The following KCNQ3 variants were observed in gnomAD, a reference collection of about 807,000 sequenced individuals.
The protein encoded by KCNQ3 is potassium voltage-gated channel subfamily Q member 3, also known as potassium voltage-gated channel subfamily KQT member 3.
In KCNQ3, 30 loss-of-function variants were observed where a neutral mutation model predicts 92.5. That is an observed-to-expected ratio of 0.32 (90% CI 0.24 to 0.44). The LOEUF is 0.44. Among genes scored for constraint, KCNQ3 ranks in the 20% least tolerant of loss-of-function variants. KCNQ3 has a pLI of 1.00. For missense variants in KCNQ3, 913 were observed against 1,140.3 expected (o/e 0.80, Z 2.87); for synonymous variants, 450 against 468.8 (o/e 0.96, Z 0.52).
chr8:132,337,210 A>G (rs909325474), intron 1 of KCNQ3, among the ~76,000 whole-genome samples: 1 of 152,240 alleles, frequency 6.6e-6, no homozygotes, highest in African/African-American at 2.4e-5. Context: ...AAGGCTGAGC[A>G]TGGCGGCTCA....
Position 132,224,081 on chromosome 8 carries a change from ATTTTTTTTTTTT to A in KCNQ3, c.387-37912_387-37901del, listed in dbSNP as rs1164773143. On this transcript the variant is annotated intron_variant, in intron 1 of 14. Coordinates refer to ENST00000388996, the MANE Select transcript of KCNQ3 (RefSeq NM_004519.4). ...CAGACACACACCATCATGCCAGGCT[ATTTTTTTTTTTT>A]TTTTTTTTTTTTTTTTGCTTTTGGA... Among the ~76,000 whole-genome samples the A allele has an allele frequency of 1.1e-3, 45 of 39,474 alleles. No homozygotes were observed. The East Asian group carries it at 0.022, about 19-fold the overall frequency. 25.9% of individuals were successfully genotyped at this position (39,474 alleles called of 152,430 possible).
chr8:132,391,686 C>T (rs1298548560), intron 1 of KCNQ3, among the ~76,000 whole-genome samples: 2 of 152,110 alleles, frequency 1.3e-5, no homozygotes, highest in Admixed American at 6.5e-5. Flanking sequence ...AAACATCTTC[C>T]CCCTCCCAAC....
At chr8:132,341,872 G>A (rs1287238520) in intron 1 of KCNQ3, among the ~76,000 whole-genome samples, 5 of 152,152 alleles carry the variant, frequency 3.3e-5, no homozygotes, top group Non-Finnish European at 1.5e-5. Context: ...AATAATTCAT[G>A]AGTCATTGTA....
chr8:132,327,362 C>G (rs537274483), intron 1 of KCNQ3, among the ~76,000 whole-genome samples: 8 of 152,280 alleles, frequency 5.3e-5, no homozygotes, highest in African/African-American at 1.9e-4. Flanking sequence ...TAGGTGCTAT[C>G]ATTATCCCTA....
chr8:132,240,398 G>A (rs1814955974), intron 1 of KCNQ3, among the ~76,000 whole-genome samples: 1 of 152,028 alleles, frequency 6.6e-6, no homozygotes, highest in Non-Finnish European at 1.5e-5. Context: ...GTTGGTCAGG[G>A]TGGTCTGGAA....
At chr8:132,394,377 A>T (rs1820135913) in intron 1 of KCNQ3, among the ~76,000 whole-genome samples, 1 of 152,172 alleles carries the variant, frequency 6.6e-6, no homozygotes, top group Non-Finnish European at 1.5e-5. Context: ...CTTACTAGCT[A>T]TGCAGACCCT....
chr8:132,189,625 G>A (rs371519571), intron 1 of KCNQ3, among the ~76,000 whole-genome samples: 3 of 152,134 alleles, frequency 2.0e-5, no homozygotes, highest in East Asian at 3.9e-4. Context: ...TCGGGAGTTC[G>A]AGTCCAGCCT....
chr8:132,333,221 G>A (rs1350724955), intron 1 of KCNQ3, among the ~76,000 whole-genome samples: 1 of 152,182 alleles, frequency 6.6e-6, no homozygotes, highest in African/African-American at 2.4e-5. Flanking sequence ...AGCAGAGCAA[G>A]CCTTACCAAC....
At chr8:132,145,932 T>A (rs951617227) in intron 9 of KCNQ3, among the ~76,000 whole-genome samples, 2 of 152,242 alleles carry the variant, frequency 1.3e-5, no homozygotes, top group Non-Finnish European at 2.9e-5. Flanking sequence ...GCGGAAGCAC[T>A]GCATGTGGGT....
chr8:132,186,968 G>GAC (rs1826987800), intron 1 of KCNQ3, among the ~76,000 whole-genome samples: 2 of 125,730 alleles, frequency 1.6e-5, no homozygotes, highest in African/African-American at 6.3e-5. Context: ...GAGAGAGAGA[G>GAC]AGAGAGAGAG....
At chr8:132,377,907 C>T (rs1819653066) in intron 1 of KCNQ3, among the ~76,000 whole-genome samples, 1 of 152,188 alleles carries the variant, frequency 6.6e-6, no homozygotes, top group South Asian at 2.1e-4. Context: ...CATTGTTAGA[C>T]TGCAGCCCAT....
intron 11 of KCNQ3, among the ~76,000 whole-genome samples, chr8:132,138,344 A>G (rs1825174169): frequency 2.0e-5 from 3 of 152,278 alleles, no homozygotes; most frequent in Admixed American, 1.3e-4. Context: ...CCATTTATAG[A>G]TGATGTGATT....
chr8:132,245,483 C>G (rs191919683), intron 1 of KCNQ3, among the ~76,000 whole-genome samples: 3 of 152,172 alleles, frequency 2.0e-5, no homozygotes, highest in Admixed American at 1.3e-4. Context: ...CATATGGACT[C>G]TAAATATGCA....
intron 1 of KCNQ3, among the ~76,000 whole-genome samples, chr8:132,389,905 G>A (rs1820004095): frequency 6.6e-6 from 1 of 152,192 alleles, no homozygotes. Flanking sequence ...CCTTTAACCA[G>A]CAGTTGTGTA....
chr8:132,162,680 C>T (rs1826026255), intron 9 of KCNQ3, among the ~76,000 whole-genome samples: 1 of 152,218 alleles, frequency 6.6e-6, no homozygotes, highest in Non-Finnish European at 1.5e-5. Context: ...AGAACTGACA[C>T]TGTCAGTAAT....
chr8:132,136,136 A>G (rs1218993154), intron 12 of KCNQ3, among the ~76,000 whole-genome samples: 6 of 150,184 alleles, frequency 4.0e-5, no homozygotes, highest in African/African-American at 1.2e-4. Flanking sequence ...AAAAAAAAAA[A>G]AAAAAAAAAA....
chr8:132,458,110 T>G (rs1821984134), intron 1 of KCNQ3, among the ~76,000 whole-genome samples: 1 of 152,180 alleles, frequency 6.6e-6, no homozygotes, highest in African/African-American at 2.4e-5. Context: ...GGTCCAGGAC[T>G]TGCCACCTGG....
chr8:132,311,624 T>C (rs1232787282), intron 1 of KCNQ3, among the ~76,000 whole-genome samples: 1 of 152,222 alleles, frequency 6.6e-6, no homozygotes, highest in Non-Finnish European at 1.5e-5. Flanking sequence ...TTTCATTGAC[T>C]GTATTTGAAG....
intron 1 of KCNQ3, among the ~76,000 whole-genome samples, chr8:132,236,993 C>A (rs1187094810): frequency 1.3e-5 from 2 of 152,176 alleles, no homozygotes; most frequent in Non-Finnish European, 2.9e-5. Flanking sequence ...CCTGAATGAA[C>A]TCGGAAGAGG....
Sources: gnomAD v4.1 joint callset for allele counts (sites outside exome capture counted in the v4.1 genomes callset) on GRCh38, gnomAD v4.1.1 for gene constraint, MANE v1.5 for transcripts, NCBI Gene and HGNC (gene_info 2026-07-23, HGNC 2026-07-21) for gene names.